Variants in ADAMTS17 observed in about 807,000 individuals in gnomAD.
ADAMTS17 encodes the protein A disintegrin and metalloproteinase with thrombospondin motifs 17.
Under a neutral mutation model 141.5 loss-of-function variants are expected in ADAMTS17, and 113 were observed. The ratio of observed to expected loss-of-function variants is 0.80; its 90% CI spans 0.69 to 0.93. The LOEUF is 0.93. Ranked by LOEUF, ADAMTS17 falls within the 40% of genes least tolerant of loss-of-function variation. ADAMTS17 has a pLI of 0.00. For missense variants in ADAMTS17, 1,659 were observed against 1,517.9 expected, an observed-to-expected ratio of 1.09 and a Z score of -1.54; for synonymous variants, 768 against 630.6, an observed-to-expected ratio of 1.22 and a Z score of -3.27.
chr15:100,255,162 C>T (rs996783692), intron 6 of ADAMTS17, among the ~76,000 whole-genome samples: 3 of 152,100 alleles, frequency 2.0e-5, no homozygotes, highest in Non-Finnish European at 4.4e-5. Flanking sequence ...TGTGGGGAAA[C>T]CAGGGGTCTA....
intron 15 of ADAMTS17, among the ~76,000 whole-genome samples, chr15:100,072,256 A>C (rs529381036): frequency 0.043 from 6,193 of 143,036 alleles, 657 homozygotes; most frequent in African/African-American, 0.15. Context: ...GAAATAAAAG[A>C]GGATACAAAC....
intron 10 of ADAMTS17, among the ~76,000 whole-genome samples, chr15:100,150,076 C>A (rs528641914): frequency 2.3e-4 from 35 of 152,238 alleles, no homozygotes; most frequent in Admixed American, 7.8e-4. Flanking sequence ...GTGAAACTCT[C>A]GAGGCAAAAG....
chr15:99,977,004 C>T (rs868551083), intron 20 of ADAMTS17, among the ~76,000 whole-genome samples: 2 of 152,096 alleles, frequency 1.3e-5, no homozygotes, highest in African/African-American at 4.8e-5. Flanking sequence ...AGAGGTCTCC[C>T]AAGCACTGTC....
At chr15:100,073,864 T>C (rs897402771) in intron 15 of ADAMTS17, among the ~76,000 whole-genome samples, 5 of 151,932 alleles carry the variant, frequency 3.3e-5, no homozygotes, top group Non-Finnish European at 1.5e-5. Context: ...TGTATACATA[T>C]GTAACAAACC....
chr15:100,111,619 T>G (rs774035705), intron 13 of ADAMTS17, among the ~76,000 whole-genome samples: 3 of 152,258 alleles, frequency 2.0e-5, no homozygotes, highest in Non-Finnish European at 4.4e-5. Flanking sequence ...AAGGGTCCCT[T>G]GGCTGAAGTG....
intron 7 of ADAMTS17, among the ~76,000 whole-genome samples, chr15:100,224,652 C>G (rs117294527): frequency 0.014 from 2,177 of 152,316 alleles, 23 homozygotes; most frequent in Middle Eastern, 0.037. Flanking sequence ...CCCCAGTACT[C>G]TCTCTGATCT....
intron 10 of ADAMTS17, among the ~76,000 whole-genome samples, chr15:100,150,310 C>T (rs995299110): frequency 6.6e-6 from 1 of 152,132 alleles, no homozygotes; most frequent in Non-Finnish European, 1.5e-5. Flanking sequence ...ACATCCCCTG[C>T]CTCCTCTCTT....
chr15:100,030,977 G>A (rs1266639504), intron 18 of ADAMTS17, among the ~76,000 whole-genome samples: 1 of 152,214 alleles, frequency 6.6e-6, no homozygotes, highest in Non-Finnish European at 1.5e-5. Flanking sequence ...TTTTGTAGTT[G>A]AGCAGTGATG....
intron 14 of ADAMTS17, among the ~76,000 whole-genome samples, chr15:100,100,052 T>A (rs2036000566): frequency 6.6e-6 from 1 of 152,106 alleles, no homozygotes; most frequent in Non-Finnish European, 1.5e-5. Flanking sequence ...GTCCGCTGTG[T>A]GTAACGCCCA....
At chr15:100,075,743 C>T (rs2141769285) in intron 15 of ADAMTS17, among the ~76,000 whole-genome samples, 1 of 152,258 alleles carries the variant, frequency 6.6e-6, no homozygotes, top group Non-Finnish European at 1.5e-5. Flanking sequence ...AAAGTATATA[C>T]ATTTGTCTCC....
At chr15:100,170,482 T>G (rs78401927) in intron 8 of ADAMTS17, among the ~76,000 whole-genome samples, 5,685 of 152,278 alleles carry the variant, frequency 0.037, 181 homozygotes, top group East Asian at 0.18. Flanking sequence ...TCAAAGTTTC[T>G]ACCTTTGCAT....
Position 100,109,050 on chromosome 15 carries a change from A to G in ADAMTS17, c.1955T>C (p.Val652Ala), listed in dbSNP as rs1273994049. Reference protein sequence around the residue: ...KESPLLVADRVLDGTPCGPYE... With the variant: ...KESPLLVADRALDGTPCGPYE... ...GGGCCCGCAGGGTGTACCGTCCAGG[A>G]CCCTGTCGGCCACCAGCAGTGGGGA... The change falls in exon 14 of 22, where the codon GTC becomes GCC. Residue 652 changes from valine to alanine, a missense_variant. Coordinates refer to ENST00000268070, the MANE Select transcript of ADAMTS17 (RefSeq NM_139057.4). The G allele has an allele frequency of 6.2e-7, 1 of 1,614,022 alleles. No homozygotes were observed. Among genetic ancestry groups the G allele is most frequent in the African/African-American group, 1.3e-5 (1 of 75,022 alleles).
chr15:100,302,534 G>A (rs2045076106), intron 3 of ADAMTS17, among the ~76,000 whole-genome samples: 1 of 152,152 alleles, frequency 6.6e-6, no homozygotes, highest in Non-Finnish European at 1.5e-5. Flanking sequence ...AGCAGTCTAT[G>A]AGAATTCGAA....
chr15:100,177,955 T>A (rs2040395289), intron 8 of ADAMTS17, among the ~76,000 whole-genome samples: 1 of 152,148 alleles, frequency 6.6e-6, no homozygotes, highest in Admixed American at 6.5e-5. Context: ...TGAAGTCTAC[T>A]TTTTCTGATA....
chr15:99,975,580 T>A (rs572937326), intron 21 of ADAMTS17, among the ~76,000 whole-genome samples: 1 of 152,206 alleles, frequency 6.6e-6, no homozygotes, highest in Non-Finnish European at 1.5e-5. Flanking sequence ...AGAGGCCAGG[T>A]TCCGAGCACC....
chr15:100,032,475 A>C (rs1201852021), intron 18 of ADAMTS17, among the ~76,000 whole-genome samples: 1 of 152,222 alleles, frequency 6.6e-6, no homozygotes, highest in Non-Finnish European at 1.5e-5. Context: ...AAATTGCTCT[A>C]GTGTTTAATC....
chr15:100,018,173 C>T (rs966598826), intron 18 of ADAMTS17, among the ~76,000 whole-genome samples: 2 of 142,858 alleles, frequency 1.4e-5, no homozygotes, highest in African/African-American at 6.2e-5. Context: ...CAGTATTGTC[C>T]TTCTGTGACG....
chr15:100,090,191 C>T (rs1234353866), intron 15 of ADAMTS17, among the ~76,000 whole-genome samples: 1 of 152,038 alleles, frequency 6.6e-6, no homozygotes, highest in Non-Finnish European at 1.5e-5. Flanking sequence ...GGATTCCAGG[C>T]ATATGGAATC....
At chr15:100,226,669 G>A (rs1198401040) in intron 7 of ADAMTS17, among the ~76,000 whole-genome samples, 1 of 152,182 alleles carries the variant, frequency 6.6e-6, no homozygotes, top group African/African-American at 2.4e-5. Flanking sequence ...AAACATGGGT[G>A]GAGATGGACC....
Sources: allele counts gnomAD v4.1 joint callset (sites outside exome capture counted in the v4.1 genomes callset), GRCh38; gene constraint gnomAD v4.1.1; transcripts MANE v1.5; gene names NCBI Gene and HGNC (gene_info 2026-07-23, HGNC 2026-07-21).